TRAPPC13: variants seen among roughly 807,000 people sequenced by gnomAD.
TRAPPC13 encodes the protein REV7-interacting novel NHEJ regulator 1.
TRAPPC13 carries 39 observed loss-of-function variants against 54.0 expected under a neutral mutation model. The ratio of observed to expected loss-of-function variants is 0.72; its 90% CI spans 0.56 to 0.94. The LOEUF is 0.94. TRAPPC13 is among the 40% of genes least tolerant of loss of function. TRAPPC13 has a pLI of 0.00. For missense variants in TRAPPC13, 386 were observed against 488.1 expected (o/e 0.79, Z 1.97); for synonymous variants, 148 against 167.7 (o/e 0.88, Z 0.91).
In TRAPPC13 at chr5:65,651,823, GAAAAT is replaced by G. The variant is rs1362852820; in HGVS notation, c.502-673_502-669del. ...TCATTCATTTGTATGCTTTTTGAAA[GAAAAT>G]AAAACGTGATTCAGTTTTTTTTTTT... On this transcript the variant is annotated intron_variant, in intron 6 of 12. Coordinates refer to ENST00000399438, the MANE Select transcript of TRAPPC13 (RefSeq NM_024941.4). 8.3e-5 allele frequency among the ~76,000 whole-genome samples: 8 copies of G among 96,150 alleles called. No homozygotes were observed. The Admixed American group carries it at 8.6e-4, about 10-fold the overall frequency. The allele number at this position is 96,150 out of a possible 152,430, so 63.1% of individuals were successfully genotyped here.
chr5:65,660,907 G>C lies in TRAPPC13; in HGVS notation c.897+10G>C. On this transcript the variant is annotated intron_variant, in intron 10 of 12. Coordinates refer to ENST00000399438, the MANE Select transcript of TRAPPC13 (RefSeq NM_024941.4). The stretch of plus-strand genomic sequence containing the variant: ...CCAACTTCAAAGAATGGTGAGTCTG[G>C]AAAAAACTTCGCTGGGGTTTTGGTG... The C allele has an allele frequency of 6.3e-7, 1 of 1,594,960 alleles. No homozygotes were observed. The highest frequency in any genetic ancestry group is 8.5e-7 in the Non-Finnish European group (1 of 1,171,582).
chr5:65,655,547 G>A (rs1291618879), intron 7 of TRAPPC13, 89 bp from the exon 8 acceptor site: 2 of 403,810 alleles, frequency 5.0e-6, no homozygotes, highest in Non-Finnish European at 8.1e-6. Flanking sequence ...TTAAAAAAAT[G>A]CAGAAATGCA....
At chr5:65,630,300 AT>A (rs2150661863) in intron 1 of TRAPPC13, 2 of 1,530,276 alleles carry the variant, frequency 1.3e-6, no homozygotes, top group South Asian at 1.2e-5. Flanking sequence ...GGAAAAATTA[AT>A]TTATTTGTGC....
In TRAPPC13 at chr5:65,658,395, A is replaced by T; in HGVS notation, c.592A>T (p.Ile198Phe). 3 of 1,599,806 alleles carry T rather than the reference A, an allele frequency of 1.9e-6. No individual in the cohort carries two copies. Among genetic ancestry groups the T allele is most frequent in the Admixed American group, 1.7e-5 (1 of 58,222 alleles). The change falls in exon 9 of 13, where the codon ATT (isoleucine) becomes TTT (phenylalanine). Residue 198 changes from isoleucine (I) to phenylalanine (F), a missense_variant. By Grantham distance (21) the Ile-to-Phe change is conservative. Transcript: ENST00000399438. ...VTDEVFLEAQIQNMTTSPMFM... is the reference protein window; with the variant it reads ...VTDEVFLEAQFQNMTTSPMFM... Reference sequence around the variant, plus strand: ...TGATGAAGTATTTCTGGAAGCCCAGATTCAGAATATGACAACCTCACCTAT... The same window carrying T: ...TGATGAAGTATTTCTGGAAGCCCAGTTTCAGAATATGACAACCTCACCTAT...
At chr5:65,641,865 A>G (rs1279899783) in intron 4 of TRAPPC13, among the ~76,000 whole-genome samples, 2 of 149,338 alleles carry the variant, frequency 1.3e-5, no homozygotes, top group Non-Finnish European at 3.0e-5. Flanking sequence ...CCCTGATAAC[A>G]CTTTTTCTTT....
At chr5:65,644,161 T>C (rs1756091439) in intron 4 of TRAPPC13, among the ~76,000 whole-genome samples, 1 of 152,228 alleles carries the variant, frequency 6.6e-6, no homozygotes, top group Admixed American at 6.5e-5. Context: ...TAATTTTTCC[T>C]GGAGGTCCTG....
At chr5:65,633,340 G>GC (rs1755616835) in intron 1 of TRAPPC13, among the ~76,000 whole-genome samples, 1 of 151,774 alleles carries the variant, frequency 6.6e-6, no homozygotes, top group South Asian at 2.1e-4. Flanking sequence ...GAGTGCAGTG[G>GC]GCGATCTCAG....
chr5:65,641,794 T>A (rs796497440), intron 4 of TRAPPC13, among the ~76,000 whole-genome samples: 1 of 151,132 alleles, frequency 6.6e-6, no homozygotes, highest in Non-Finnish European at 1.5e-5. Context: ...TTTGAACGAT[T>A]TGTAGAATTC....
intron 3 of TRAPPC13, among the ~76,000 whole-genome samples, chr5:65,637,488 A>G (rs967959528): frequency 1.3e-5 from 2 of 151,916 alleles, no homozygotes; most frequent in Non-Finnish European, 2.9e-5. Context: ...AAAATTAGCT[A>G]GGCGTGGTGG....
intron 4 of TRAPPC13, among the ~76,000 whole-genome samples, chr5:65,644,555 A>G (rs1270949642): frequency 1.3e-5 from 2 of 152,216 alleles, no homozygotes; most frequent in African/African-American, 2.4e-5. Flanking sequence ...AATGGGTTCA[A>G]TTATTTCTTT....
rs781052158 is a variant in TRAPPC13, at chr5:65,660,864, G to A, written c.864G>A (p.Arg288=). ...DIVWKTNLGE[R]GRLQTSQLQR... ...TATGGAAAACAAATCTAGGTGAAAG[G>A]GGAAGGTTACAGACCAGCCAACTTC... Residue 288 remains arginine, a synonymous_variant, in exon 10 of 13, where the codon AGG becomes AGA. Coordinates refer to ENST00000399438, the MANE Select transcript of TRAPPC13 (RefSeq NM_024941.4). 3.1e-6 allele frequency: 5 copies of A among 1,613,024 alleles called. No homozygotes were observed. The highest frequency in any genetic ancestry group is 4.2e-6 in the Non-Finnish European group (5 of 1,179,398).
chr5:65,664,623 A>C lies in TRAPPC13; in HGVS notation c.*12A>C. ...AAGTGGAAAGCTGAAGGAAACTTCC[A>C]ATGTTAGGCTTTTCATTTAGTTTCA... On this transcript the variant is annotated 3_prime_UTR_variant, in exon 13 of 13. Coordinates refer to ENST00000399438, the MANE Select transcript of TRAPPC13 (RefSeq NM_024941.4). 11 of 1,594,318 alleles carry C rather than the reference A, an allele frequency of 6.9e-6. No individual in the cohort carries two copies. The highest frequency in any genetic ancestry group is 9.4e-6 in the Non-Finnish European group (11 of 1,164,558).
At chr5:65,664,166 A>G (rs979820675) in intron 11 of TRAPPC13, 71 bp from the exon 12 acceptor site, 5 of 1,460,862 alleles carry the variant, frequency 3.4e-6, no homozygotes, top group Middle Eastern at 2.0e-4. Context: ...TACTGTCACT[A>G]GTAGAAATAT....
intron 7 of TRAPPC13, among the ~76,000 whole-genome samples, chr5:65,653,389 C>T (rs753689297): frequency 1.3e-5 from 2 of 151,992 alleles, no homozygotes; most frequent in African/African-American, 2.4e-5. Flanking sequence ...ATGGCAAATT[C>T]GGTATTTATT....
chr5:65,637,798 TTGGGATG>T lies in TRAPPC13; in HGVS notation c.300+20_300+26del. 3 of 1,459,408 alleles carry T rather than the reference TTGGGATG, an allele frequency of 2.1e-6. No individual in the cohort carries two copies. Among genetic ancestry groups the T allele is most frequent in the Non-Finnish European group, 2.8e-6 (3 of 1,064,210 alleles). 90.4% of individuals were successfully genotyped at this position (1,459,408 alleles called of 1,614,324 possible). A position where few individuals can be genotyped will look rare whatever the true frequency, so the allele number is the denominator to read the frequency against. ...TAGTAAAAGTAAGTAACATTCTTACTTGGGATGTATTTTAGTCTTTAACAAAGGTTTT... is the reference window on the plus strand; with the variant it reads ...TAGTAAAAGTAAGTAACATTCTTACTTATTTTAGTCTTTAACAAAGGTTTT... On this transcript the variant is annotated intron_variant, in intron 4 of 12. Coordinates refer to ENST00000399438, the MANE Select transcript of TRAPPC13 (RefSeq NM_024941.4).
chr5:65,636,869 A>T (rs969098712), intron 3 of TRAPPC13, among the ~76,000 whole-genome samples: 1 of 152,220 alleles, frequency 6.6e-6, no homozygotes, highest in South Asian at 2.1e-4. Context: ...GTTTTACAGA[A>T]TGTGGTCATT....
intron 3 of TRAPPC13, 57 bp downstream of exon 3, chr5:65,636,100 C>A: frequency 4.9e-5 from 51 of 1,048,702 alleles, no homozygotes; most frequent in Non-Finnish European, 6.2e-5. Context: ...ATTATGTTTT[C>A]AAAACAGAAC....
Position 65,664,254 on chromosome 5 carries a change from TG to T in TRAPPC13, c.1018del (p.Val340PhefsTer48), listed in dbSNP as rs1241545424. The T allele has an allele frequency of 6.2e-7, 1 of 1,613,732 alleles. No homozygotes were observed. Among genetic ancestry groups the T allele is most frequent in the East Asian group, 2.2e-5 (1 of 44,890 alleles). ...ITNCSERTMD[L>X]VLEMCNTNSI... ...TCCAGCAGTGAAAGGACTATGGATC[TG>T]GTTTTGGAAATGTGCAATACCAATT... On this transcript the variant is annotated frameshift_variant, in exon 12 of 13. Coordinates refer to ENST00000399438, the MANE Select transcript of TRAPPC13 (RefSeq NM_024941.4). LOFTEE classifies it high-confidence loss of function.
rs201346826 is a variant in TRAPPC13, at chr5:65,647,220, T to A, written c.428+38T>A. 1,980 of 1,538,708 alleles carry A rather than the reference T, an allele frequency of 1.3e-3. 14 individuals are homozygous for A. The highest frequency in any genetic ancestry group is 0.013 in the Middle Eastern group (62 of 4,892). ...TTTATTAGTTCTCAAAGGTTTTTACTTATATATGCCTTTGTTTGAAATTTT... is the reference window on the plus strand; with the variant it reads ...TTTATTAGTTCTCAAAGGTTTTTACATATATATGCCTTTGTTTGAAATTTT... On this transcript the variant is annotated intron_variant, in intron 5 of 12. Coordinates refer to ENST00000399438, the MANE Select transcript of TRAPPC13 (RefSeq NM_024941.4).
Sources: gnomAD v4.1 joint callset for allele counts (sites outside exome capture counted in the v4.1 genomes callset) on GRCh38, gnomAD v4.1.1 for gene constraint, MANE v1.5 for transcripts, NCBI Gene and HGNC (gene_info 2026-07-23, HGNC 2026-07-21) for gene names.